Variants in ADD1 observed in about 807,000 individuals in gnomAD.
ADD1 encodes the protein alpha-adducin.
Under a neutral mutation model 80.5 loss-of-function variants are expected in ADD1, and 24 were observed. The observed-to-expected ratio is 0.30, with a 90% CI of 0.22 to 0.42. The LOEUF (loss-of-function observed/expected upper bound fraction) is 0.42, where lower values mean the gene tolerates loss of function less well. ADD1 is among the 10% of genes least tolerant of loss of function. ADD1 has a pLI of 1.00. For missense variants in ADD1, 948 were observed against 1,019.0 expected, an observed-to-expected ratio of 0.93 and a Z score of 0.95; for synonymous variants, 373 against 393.8, an observed-to-expected ratio of 0.95 and a Z score of 0.63.
chr4:2,885,288 G>A (rs371033071), intron 4 of ADD1, among the ~76,000 whole-genome samples: 6 of 152,058 alleles, frequency 3.9e-5, no homozygotes, highest in African/African-American at 1.4e-4. Context: ...TCTGAGTAGC[G>A]AAATCCTGCT....
At chr4:2,854,837 A>C (rs748621530) in intron 1 of ADD1, 13 of 152,196 alleles carry the variant, frequency 8.5e-5, no homozygotes, top group Admixed American at 2.0e-4. Flanking sequence ...AAAACAGCAG[A>C]AATTATTCTC....
At chr4:2,851,651 A>G (rs529274814) in intron 1 of ADD1, among the ~76,000 whole-genome samples, 2 of 152,330 alleles carry the variant, frequency 1.3e-5, no homozygotes, top group East Asian at 1.9e-4. Context: ...AGATGATACC[A>G]TTAATCAAGT....
Position 2,928,307 on chromosome 4 carries a change from A to G in ADD1, c.2184A>G (p.Arg728=). The change falls in exon 16 of 16, where the codon AGA becomes AGG. Residue 728 remains arginine, a synonymous_variant. Coordinates refer to ENST00000683351, the MANE Select transcript of ADD1 (RefSeq NM_001354761.2). ...TAGAGAAGGAGGAGGAAGCCCATAG[A>G]CCCCCAAGCCCCACTGAGGCCCCTA... ...PMLEKEEEAH[R]PPSPTEAPTE... 6.2e-7 allele frequency: 1 copy of G among 1,613,154 alleles called. No individual in the cohort carries two copies. Among genetic ancestry groups the G allele is most frequent in the East Asian group, 2.2e-5 (1 of 44,828 alleles).
chr4:2,871,155 T>G (rs1462708044), intron 1 of ADD1, among the ~76,000 whole-genome samples: 3 of 151,968 alleles, frequency 2.0e-5, no homozygotes, highest in South Asian at 4.2e-4. Context: ...GTATTTTTAG[T>G]AGAGATGGGG....
intron 1 of ADD1, among the ~76,000 whole-genome samples, chr4:2,846,840 G>T (rs1459952098): frequency 2.1e-5 from 3 of 144,958 alleles, no homozygotes; most frequent in Non-Finnish European, 3.0e-5. Context: ...AAAAAAAGCC[G>T]AGCGTGGTGG....
chr4:2,914,247 G>T (rs944083490), intron 13 of ADD1, among the ~76,000 whole-genome samples: 2 of 152,172 alleles, frequency 1.3e-5, no homozygotes, highest in African/African-American at 4.8e-5. Flanking sequence ...AGATTGGTGT[G>T]GTCTGTGAGC....
intron 14 of ADD1, among the ~76,000 whole-genome samples, chr4:2,918,569 AG>A (rs1739460441): frequency 6.6e-6 from 1 of 152,216 alleles, no homozygotes; most frequent in Non-Finnish European, 1.5e-5. Flanking sequence ...GAGTGGTGAG[AG>A]AGGGCATCCT....
intron 13 of ADD1, among the ~76,000 whole-genome samples, chr4:2,911,604 TCAC>T (rs1436950323): frequency 5.9e-5 from 9 of 151,598 alleles, no homozygotes; most frequent in African/African-American, 9.7e-5. Flanking sequence ...CAGGTGCACA[TCAC>T]CACACCTGGC....
At chr4:2,883,393 T>C (rs1315512507) in intron 3 of ADD1, among the ~76,000 whole-genome samples, 3 of 152,140 alleles carry the variant, frequency 2.0e-5, no homozygotes, top group African/African-American at 7.2e-5. Flanking sequence ...GCAGTTATTA[T>C]CCGGATTTGT....
rs979114124 is a variant in ADD1 at position 2,926,441 on chromosome 4, T to A, written c.2047+329T>A. The stretch of plus-strand genomic sequence containing the variant: ...CCACCTTCGGAGGTGCCCTCCGCTG[T>A]GTGAGCCACACGCCGGCTGCCTCTC... On this transcript the variant is annotated intron_variant, in intron 15 of 15. Transcript: ENST00000683351. This position sits in a 1 kb window ranked among gnomAD's most constrained non-coding sequence, Gnocchi z 5.0. 3 of 691,690 alleles carry A rather than the reference T, an allele frequency of 4.3e-6. No homozygotes were observed. The African/African-American group carries it at 5.3e-5, about 12-fold the overall frequency. The allele number at this position is 691,690 out of a possible 1,614,324, so 42.8% of individuals were successfully genotyped here.
At chr4:2,894,786 C>T in intron 6 of ADD1, 55 bp downstream of exon 6, 3 of 1,531,990 alleles carry the variant, frequency 2.0e-6, no homozygotes, top group Non-Finnish European at 2.6e-6. Flanking sequence ...GTGAAAGGCA[C>T]TGCACGTTTC....
At chr4:2,912,717 A>G (rs1464154314) in intron 13 of ADD1, among the ~76,000 whole-genome samples, 2 of 151,884 alleles carry the variant, frequency 1.3e-5, no homozygotes, top group African/African-American at 2.4e-5. Flanking sequence ...TGTAGAGACA[A>G]GGTCTCACTA....
At chr4:2,845,019 A>G (rs965542013) in intron 1 of ADD1, among the ~76,000 whole-genome samples, 3 of 152,094 alleles carry the variant, frequency 2.0e-5, no homozygotes, top group Non-Finnish European at 4.4e-5. Context: ...GAGGGTGTGA[A>G]TTGTATGAAA....
At chr4:2,879,915 A>G (rs1577533003) in intron 2 of ADD1, among the ~76,000 whole-genome samples, 1 of 152,042 alleles carries the variant, frequency 6.6e-6, no homozygotes, top group Non-Finnish European at 1.5e-5. Context: ...AGGTTTTACC[A>G]TGTTGGCCAG....
chr4:2,851,995 C>T (rs970193243), intron 1 of ADD1, among the ~76,000 whole-genome samples: 7 of 152,058 alleles, frequency 4.6e-5, no homozygotes, highest in South Asian at 2.1e-4. Flanking sequence ...TGCATCACTA[C>T]GCCCGGCTAA....
chr4:2,879,217 A>G (rs1731832674), intron 2 of ADD1, among the ~76,000 whole-genome samples: 1 of 152,152 alleles, frequency 6.6e-6, no homozygotes, highest in Non-Finnish European at 1.5e-5. Flanking sequence ...TAAGATCCAG[A>G]TTGGTGGCTC....
intron 1 of ADD1, among the ~76,000 whole-genome samples, chr4:2,849,510 G>T (rs373875677): frequency 6.6e-6 from 1 of 152,168 alleles, no homozygotes; most frequent in Non-Finnish European, 1.5e-5. Context: ...GGAATGGGGC[G>T]CAGTAGATGT....
chr4:2,862,331 T>C (rs1369350043), intron 1 of ADD1, among the ~76,000 whole-genome samples: 1 of 152,248 alleles, frequency 6.6e-6, no homozygotes, highest in African/African-American at 2.4e-5. Flanking sequence ...TTTTAGGAGC[T>C]GTAGATTCAA....
rs147589297 is a variant in ADD1 at position 2,898,899 on chromosome 4, A to T, written c.985-360A>T. The T allele has an allele frequency of 2.3e-3, 870 of 380,266 alleles. 2 individuals are homozygous for T. Among genetic ancestry groups the T allele is most frequent in the Non-Finnish European group, 3.7e-3 (774 of 206,814 alleles). 23.6% of individuals were successfully genotyped at this position (380,266 alleles called of 1,614,324 possible). On this transcript the variant is annotated intron_variant, in intron 8 of 15. Transcript: ENST00000683351. ...GGTATACAGAAGTAGAGACTCAGAG[A>T]CTTGCCTGCAGCTTACAGCTGTGAG...
Sources: allele counts gnomAD v4.1 joint callset (sites outside exome capture counted in the v4.1 genomes callset), GRCh38; gene constraint gnomAD v4.1.1; non-coding constraint Gnocchi (gnomAD v3.1); transcripts MANE v1.5; gene names NCBI Gene and HGNC (gene_info 2026-07-23, HGNC 2026-07-21).